The following INPP4B variants were observed in gnomAD, a reference collection of about 807,000 sequenced individuals.
INPP4B encodes the protein inositol polyphosphate 4-phosphatase type II.
Under a neutral mutation model 122.5 loss-of-function variants are expected in INPP4B, and 55 were observed. The observed-to-expected ratio is 0.45, with a 90% CI of 0.36 to 0.56. The LOEUF is 0.56. Among genes scored for constraint, INPP4B ranks in the 20% least tolerant of loss-of-function variants. INPP4B has a pLI of 0.00. For synonymous variants in INPP4B, 403 were observed against 388.7 expected (o/e 1.04, Z -0.43); for missense variants, 1,000 against 1,097.7 (o/e 0.91, Z 1.26).
intron 2 of INPP4B, among the ~76,000 whole-genome samples, chr4:142,591,088 G>A (rs1348747791): frequency 1.3e-5 from 2 of 152,050 alleles, no homozygotes; most frequent in Non-Finnish European, 2.9e-5. Context: ...GCCGAGGCGG[G>A]CAGATCACTT....
chr4:142,740,044 A>C (rs1292252597), intron 1 of INPP4B, among the ~76,000 whole-genome samples: 1 of 152,084 alleles, frequency 6.6e-6, no homozygotes, highest in African/African-American at 2.4e-5. Flanking sequence ...CATAGTATAC[A>C]AATTTAGGTG....
chr4:142,644,740 TAAAAAAAAAAAAAAA>T (rs55700762), intron 2 of INPP4B, among the ~76,000 whole-genome samples: 2 of 71,066 alleles, frequency 2.8e-5, no homozygotes, highest in Non-Finnish European at 5.3e-5. Context: ...CATCTCTACT[TAAAAAAAAAAAAAAA>T]AAAAAAAAAA....
intron 1 of INPP4B, among the ~76,000 whole-genome samples, chr4:142,823,192 A>G (rs1013974132): frequency 6.6e-6 from 1 of 152,202 alleles, no homozygotes; most frequent in Non-Finnish European, 1.5e-5. Context: ...CTCAGAAGGC[A>G]GAGAGCCAGA....
At chr4:142,502,858 T>C (rs1210690201) in intron 2 of INPP4B, among the ~76,000 whole-genome samples, 1 of 152,146 alleles carries the variant, frequency 6.6e-6, no homozygotes, top group Non-Finnish European at 1.5e-5. Flanking sequence ...TTCTCCTTGC[T>C]CCATGCCTTG....
At chr4:142,184,534 C>G (rs1832308715) in intron 15 of INPP4B, among the ~76,000 whole-genome samples, 2 of 152,120 alleles carry the variant, frequency 1.3e-5, no homozygotes, top group African/African-American at 2.4e-5. Flanking sequence ...TCCCTTTATT[C>G]TTATGGCAGG....
chr4:142,484,220 C>G (rs1326123329), intron 2 of INPP4B, among the ~76,000 whole-genome samples: 1 of 151,838 alleles, frequency 6.6e-6, no homozygotes, highest in Non-Finnish European at 1.5e-5. Context: ...GATAACTTAC[C>G]AATTAATACA....
At chr4:142,320,122 G>T (rs1029658331) in intron 7 of INPP4B, among the ~76,000 whole-genome samples, 1 of 152,144 alleles carries the variant, frequency 6.6e-6, no homozygotes, top group African/African-American at 2.4e-5. Context: ...AACTCCTGAG[G>T]CCACACACCA....
rs115068457 is a variant in INPP4B, at chr4:142,126,766, T to C, written c.1721-2006A>G. 1.1e-3 allele frequency among the ~76,000 whole-genome samples: 167 copies of C among 150,278 alleles called. 1 individual carries two copies. Among genetic ancestry groups the C allele is most frequent in the African/African-American group, 3.9e-3 (160 of 40,592 alleles). On this transcript the variant is annotated intron_variant, in intron 18 of 25. Coordinates refer to ENST00000262992, the MANE Select transcript of INPP4B (RefSeq NM_001101669.3). ...TCATTGTCATGTGTAAAAGGGAAAA[T>C]AGAGGTACACTGAACTTTTTTTTCA...
chr4:142,153,145 T>C (rs139887822), intron 17 of INPP4B, among the ~76,000 whole-genome samples: 43 of 152,334 alleles, frequency 2.8e-4, no homozygotes, highest in Admixed American at 2.8e-3. Flanking sequence ...ATTCCACTGA[T>C]TGACTAAAGC....
In INPP4B at chr4:142,028,576, C is replaced by T. The variant is rs1329466119; in HGVS notation, c.*206G>A. The T allele has an allele frequency of 1.8e-6, 1 of 564,824 alleles. No individual in the cohort carries two copies. The highest frequency in any genetic ancestry group is 1.9e-5 in the African/African-American group (1 of 53,164). The allele number at this position is 564,824 out of a possible 1,614,324, so 35.0% of individuals were successfully genotyped here. On this transcript the variant is annotated 3_prime_UTR_variant, in exon 26 of 26. Transcript: ENST00000262992. ...AAGCTTAGAACTAGAAATGACAGTACTGAATCATGTAAGATTTTTTAAAAT... is the reference window on the plus strand; with the variant it reads ...AAGCTTAGAACTAGAAATGACAGTATTGAATCATGTAAGATTTTTTAAAAT...
chr4:142,415,517 G>A (rs1805519642), intron 5 of INPP4B, among the ~76,000 whole-genome samples: 1 of 152,030 alleles, frequency 6.6e-6, no homozygotes, highest in Admixed American at 6.6e-5. Flanking sequence ...GTGCTGGAGA[G>A]GATGTGGAGA....
intron 9 of INPP4B, among the ~76,000 whole-genome samples, chr4:142,282,925 G>C (rs1425729021): frequency 1.3e-5 from 2 of 152,064 alleles, no homozygotes; most frequent in East Asian, 1.9e-4. Flanking sequence ...AGATGATGTA[G>C]AGCTCTATAG....
chr4:142,368,640 T>G (rs1301283968), intron 7 of INPP4B, among the ~76,000 whole-genome samples: 4 of 151,956 alleles, frequency 2.6e-5, no homozygotes, highest in Admixed American at 6.6e-5. Flanking sequence ...TACCCAGTAC[T>G]CAGTGTTGAA....
Position 142,379,137 on chromosome 4 carries a change from C to T in INPP4B, c.372+23801G>A, listed in dbSNP as rs116035799. Reference sequence around the variant, plus strand: ...CAATTTTTTAAAAATCAGTACATTACATAAAATTTAAATATCACTATAGGC... The same window carrying T: ...CAATTTTTTAAAAATCAGTACATTATATAAAATTTAAATATCACTATAGGC... On this transcript the variant is annotated intron_variant, in intron 7 of 25. Coordinates refer to ENST00000262992, the MANE Select transcript of INPP4B (RefSeq NM_001101669.3). Among the ~76,000 whole-genome samples the T allele has an allele frequency of 8.1e-3, 1,236 of 152,238 alleles. 17 individuals are homozygous for T. The highest frequency in any genetic ancestry group is 0.028 in the African/African-American group (1,182 of 41,570).
intron 25 of INPP4B, among the ~76,000 whole-genome samples, chr4:142,069,641 G>C (rs1765789289): frequency 6.6e-6 from 1 of 152,124 alleles, no homozygotes; most frequent in Non-Finnish European, 1.5e-5. Context: ...ATAAAAAAAT[G>C]ATAAAGGGGA....
At chr4:142,216,267 G>T (rs1197664564) in intron 12 of INPP4B, among the ~76,000 whole-genome samples, 1 of 152,122 alleles carries the variant, frequency 6.6e-6, no homozygotes, top group African/African-American at 2.4e-5. Context: ...CCTGTCTCTA[G>T]CTTCTCCCAG....
intron 10 of INPP4B, among the ~76,000 whole-genome samples, chr4:142,270,319 A>G (rs934078659): frequency 2.3e-4 from 35 of 152,220 alleles, no homozygotes; most frequent in Admixed American, 8.5e-4. Context: ...TTTGGGCAAT[A>G]GCCATCCCAG....
At chr4:142,229,913 C>CT (rs1374317993) in intron 12 of INPP4B, among the ~76,000 whole-genome samples, 6 of 152,112 alleles carry the variant, frequency 3.9e-5, no homozygotes, top group African/African-American at 1.4e-4. Context: ...GTCATCCAAA[C>CT]TTTTTAAACC....
chr4:142,500,633 A>G (rs557113887), intron 2 of INPP4B, among the ~76,000 whole-genome samples: 4 of 152,202 alleles, frequency 2.6e-5, no homozygotes, highest in Admixed American at 2.6e-4. Context: ...GGTTGTTTCC[A>G]CACCTTGGCT....
Sources: gnomAD v4.1 joint callset for allele counts (sites outside exome capture counted in the v4.1 genomes callset) on GRCh38, gnomAD v4.1.1 for gene constraint, MANE v1.5 for transcripts, NCBI Gene and HGNC (gene_info 2026-07-23, HGNC 2026-07-21) for gene names.